The following CDHR2 variants were observed in gnomAD, a reference collection of about 807,000 sequenced individuals.
CDHR2 encodes cadherin-related family member 2.
Under a neutral mutation model 138.6 loss-of-function variants are expected in CDHR2, and 104 were observed. The observed-to-expected ratio is 0.75, with a 90% CI of 0.64 to 0.88. The LOEUF (loss-of-function observed/expected upper bound fraction) is 0.88, where lower values mean the gene tolerates loss of function less well. Ranked by LOEUF, CDHR2 falls within the 40% of genes least tolerant of loss-of-function variation. The pLI is 0.00. For synonymous variants in CDHR2, 755 were observed against 742.8 expected, an observed-to-expected ratio of 1.02 and a Z score of -0.27; for missense variants, 1,624 against 1,727.6, an observed-to-expected ratio of 0.94 and a Z score of 1.06.
rs75630917 is a variant in CDHR2, at chr5:176,585,226, A to G, written c.2734+211A>G. Among the ~76,000 whole-genome samples, 202 of 152,378 alleles carry G rather than the reference A, an allele frequency of 1.3e-3. 2 individuals are homozygous for G. In the East Asian group the frequency reaches 0.026, roughly 20 times the overall value. On this transcript the variant is annotated intron_variant, in intron 19 of 31. Transcript: ENST00000261944. ...CAGTGGGGTGGGCTGTGAAGATTCA[A>G]TGAGAATATGGATGTATGGCATTTA...
At position 176,595,655 on chromosome 5, in the gene CDHR2, G is replaced by C. The variant is rs759135912; in HGVS notation, c.3916G>C (p.Asp1306His). ...GCCATCCTACACCAACGCTGGCCTGGACACCACGGACCTGTGACAGGGGCC... is the reference window on the plus strand; with the variant it reads ...GCCATCCTACACCAACGCTGGCCTGCACACCACGGACCTGTGACAGGGGCC... The part of the protein sequence containing the change: ...EGPSYTNAGL[D>H]TTDL The change falls in exon 32 of 32, where the codon GAC (aspartate) becomes CAC (histidine). Residue 1306 changes from aspartate (D) to histidine (H), a missense_variant. Around this residue, in one of 3 missense-constraint regions of CDHR2, gnomAD observed 556 missense variants for 565.7 expected, o/e 0.98. Coordinates refer to ENST00000261944, the MANE Select transcript of CDHR2 (RefSeq NM_017675.6). 5 of 1,602,202 alleles carry C rather than the reference G, an allele frequency of 3.1e-6. No homozygotes were observed. The highest frequency in any genetic ancestry group is 4.3e-6 in the Non-Finnish European group (5 of 1,173,802).
At chr5:176,586,872 C>T (rs781696395) in intron 21 of CDHR2, 30 bp downstream of exon 21, 11 of 1,593,282 alleles carry the variant, frequency 6.9e-6, no homozygotes, top group Admixed American at 3.5e-5. Flanking sequence ...CTTTGTTGGT[C>T]ATATGAGCCC....
chr5:176,577,180 GACCCACA>G (rs1758403135), intron 12 of CDHR2, among the ~76,000 whole-genome samples: 1 of 152,076 alleles, frequency 6.6e-6, no homozygotes, highest in Admixed American at 6.6e-5. Context: ...CCAGGTCTGG[GACCCACA>G]GTGCCTAGGG....
chr5:176,555,310 G>T (rs1207323666), intron 1 of CDHR2, among the ~76,000 whole-genome samples: 1 of 152,208 alleles, frequency 6.6e-6, no homozygotes, highest in East Asian at 1.9e-4. Context: ...CGGGAGGCCT[G>T]CCTCCTTCTC....
chr5:176,581,724 C>G, intron 17 of CDHR2, 142 bp downstream of exon 17: 1 of 1,067,580 alleles, frequency 9.4e-7, no homozygotes, highest in South Asian at 1.5e-5. Flanking sequence ...CAGGCAATTA[C>G]TCAACCTCCC....
At chr5:176,572,943 C>T (rs887937825) in intron 6 of CDHR2, among the ~76,000 whole-genome samples, 3 of 152,198 alleles carry the variant, frequency 2.0e-5, no homozygotes, top group African/African-American at 7.2e-5. Context: ...TTTCAGATGG[C>T]GGTGAGCCCC....
rs776114772 is a variant in CDHR2 at position 176,578,039 on chromosome 5, G to A, written c.1518G>A (p.Thr506=). The part of the protein sequence containing the change: ...GSVVTDSIHA[T]DPDTGAWGQI... ...GCCATGTCTCTGCCTCACAGGCCAC[G>A]GACCCAGACACGGGCGCGTGGGGCC... Residue 506 remains threonine (T), a synonymous_variant, in exon 15 of 32, where the codon ACG becomes ACA. Coordinates refer to ENST00000261944, the MANE Select transcript of CDHR2 (RefSeq NM_017675.6). The A allele has an allele frequency of 6.8e-6, 11 of 1,611,356 alleles. No homozygotes were observed. In the African/African-American group the frequency reaches 1.1e-4, roughly 16 times the overall value.
intron 31 of CDHR2, among the ~76,000 whole-genome samples, chr5:176,594,371 C>A (rs904416633): frequency 2.0e-5 from 3 of 152,190 alleles, no homozygotes; most frequent in African/African-American, 7.2e-5. Flanking sequence ...CAGGTGGATC[C>A]TTTTCCCAGG....
chr5:176,555,568 G>A lies in CDHR2; in HGVS notation c.-16+6154G>A, dbSNP rs552689709. 2.2e-3 allele frequency among the ~76,000 whole-genome samples: 334 copies of A among 152,204 alleles called. 1 individual carries two copies. The highest frequency in any genetic ancestry group is 7.7e-3 in the African/African-American group (318 of 41,534). On this transcript the variant is annotated intron_variant, in intron 1 of 31. Coordinates refer to ENST00000261944, the MANE Select transcript of CDHR2 (RefSeq NM_017675.6). ...CCCGGCGACACACAGCAGCCAGAAA[G>A]GTCTTAAGAGGAAATTACTGCCTGC...
chr5:176,592,720 C>T lies in CDHR2; in HGVS notation c.3735-3C>T, dbSNP rs1410772056. The T allele has an allele frequency of 1.2e-6, 2 of 1,613,578 alleles. No individual in the cohort carries two copies. The highest frequency in any genetic ancestry group is 1.3e-5 in the African/African-American group (1 of 74,852). On this transcript the variant is annotated splice_region_variant and splice_polypyrimidine_tract_variant and intron_variant, in intron 30 of 31. Transcript: ENST00000261944. ...CACCTGAGCTCCATCACCTCTCTTA[C>T]AGCGTCAACTCCCTGGACGACAACT...
chr5:176,575,891 C>T (rs767297127), intron 11 of CDHR2, 52 bp downstream of exon 11: 1 of 1,558,738 alleles, frequency 6.4e-7, no homozygotes, highest in East Asian at 2.4e-5. Flanking sequence ...TAACCTCTGG[C>T]CTTTGATCTC....
rs747255672 is a variant in CDHR2 at position 176,584,834 on chromosome 5, C to A, written c.2553C>A (p.Cys851Ter). The A allele has an allele frequency of 1.4e-5, 23 of 1,614,054 alleles. No homozygotes were observed. Among genetic ancestry groups the A allele is most frequent in the Non-Finnish European group, 1.9e-5 (23 of 1,180,044 alleles). ...QLEIQLVNILCTKAGVDVGSL... is the reference protein window; with the variant it reads ...QLEIQLVNIL The stretch of plus-strand genomic sequence containing the variant: ...AGATACAGCTTGTGAACATTCTCTG[C>A]ACCAAGGCCGGGGTCGATGTGGGCA... Residue 851 changes from cysteine to a stop codon, truncating the protein, a stop_gained, in exon 19 of 32, where the codon TGC (cysteine) becomes TGA (stop). Coordinates refer to ENST00000261944, the MANE Select transcript of CDHR2 (RefSeq NM_017675.6). LOFTEE classifies it high-confidence loss of function.
intron 1 of CDHR2, among the ~76,000 whole-genome samples, chr5:176,562,057 G>A (rs980624164): frequency 2.6e-5 from 4 of 152,198 alleles, no homozygotes; most frequent in Admixed American, 2.6e-4. Context: ...GGGCGTGCGG[G>A]AGATGAGGGG....
rs376614155 is a variant in CDHR2 at position 176,565,759 on chromosome 5, T to C, written c.124+16T>C. 3.7e-6 allele frequency: 6 copies of C among 1,608,118 alleles called. No homozygotes were observed. Among genetic ancestry groups the C allele is most frequent in the Non-Finnish European group, 5.1e-6 (6 of 1,175,700 alleles). On this transcript the variant is annotated intron_variant, in intron 3 of 31. Coordinates refer to ENST00000261944, the MANE Select transcript of CDHR2 (RefSeq NM_017675.6). ...CTGCCTGTGGGTGAGTCCCGGTCCC[T>C]GTGTCTGCCCCATGTCAGGTCCTGA... is the stretch of plus-strand genomic sequence containing the variant.
upstream of CDHR2, among the ~76,000 whole-genome samples, chr5:176,548,593 A>T (rs975070971): frequency 1.3e-4 from 20 of 152,166 alleles, no homozygotes; most frequent in Non-Finnish European, 5.9e-5. Context: ...TACAAAAAAA[A>T]TTAGCCGGGT....
intron 21 of CDHR2, among the ~76,000 whole-genome samples, chr5:176,588,710 T>TGA (rs1191534203): frequency 2.8e-5 from 3 of 106,906 alleles, no homozygotes; most frequent in African/African-American, 7.0e-5. Context: ...ACTGTGTGTG[T>TGA]GAGTGTGTGT....
chr5:176,582,861 G>T (rs1265486873), intron 17 of CDHR2, among the ~76,000 whole-genome samples: 2 of 152,176 alleles, frequency 1.3e-5, no homozygotes, highest in Non-Finnish European at 2.9e-5. Context: ...CAATCAGTCT[G>T]GTTCTAAGGC....
At chr5:176,551,417 T>C (rs1215978089) in intron 1 of CDHR2, among the ~76,000 whole-genome samples, 1 of 152,212 alleles carries the variant, frequency 6.6e-6, no homozygotes, top group Non-Finnish European at 1.5e-5. Context: ...GAAACAACAG[T>C]AGTGGCCGGA....
intron 1 of CDHR2, among the ~76,000 whole-genome samples, chr5:176,552,601 C>T (rs968588133): frequency 2.8e-4 from 42 of 152,100 alleles, no homozygotes; most frequent in Non-Finnish European, 2.9e-5. Context: ...GCCGTTATTG[C>T]GCCTTCGCCA....
Sources: allele counts gnomAD v4.1 joint callset (sites outside exome capture counted in the v4.1 genomes callset), GRCh38; gene constraint gnomAD v4.1.1; regional missense constraint gnomAD v4.1.1; transcripts MANE v1.5; gene names NCBI Gene and HGNC (gene_info 2026-07-23, HGNC 2026-07-21).